Variants in LAMA2 observed in about 807,000 individuals in gnomAD.
The protein encoded by LAMA2 is laminin subunit alpha-2.
Under a neutral mutation model 364.8 loss-of-function variants are expected in LAMA2, and 269 were observed. That is an observed-to-expected ratio of 0.74 (90% confidence interval 0.67 to 0.82). LAMA2 has a LOEUF of 0.82. Ranked by LOEUF, LAMA2 falls within the 40% of genes least tolerant of loss-of-function variation. The pLI is 0.00. For missense variants in LAMA2, 3,807 were observed against 3,873.2 expected (o/e 0.98, Z 0.45); for synonymous variants, 1,379 against 1,370.6 (o/e 1.01, Z -0.14).
chr6:129,050,044 A>T lies in LAMA2; in HGVS notation c.239A>T (p.Asn80Ile), dbSNP rs1787884705. 2 of 1,614,134 alleles carry T rather than the reference A, an allele frequency of 1.2e-6. No homozygotes were observed. The highest frequency in any genetic ancestry group is 1.7e-6 in the Non-Finnish European group (2 of 1,180,006). Residue 80 changes from asparagine (N) to isoleucine (I), a missense_variant, in exon 2 of 65, where the codon AAC becomes ATC. Physicochemically the swap from Asn to Ile is moderately radical, Grantham distance 149 (BLOSUM62 -3). Coordinates refer to ENST00000421865, the MANE Select transcript of LAMA2 (RefSeq NM_000426.4). Reference protein sequence around the residue: ...VEHVPGQPVRNPQCRICNQNS... With the variant: ...VEHVPGQPVRIPQCRICNQNS... ...CATGTCCCTGGGCAGCCTGTGAGGAACCCGCAGTGTCGAATCTGCAATCAA... is the reference window on the plus strand; with the variant it reads ...CATGTCCCTGGGCAGCCTGTGAGGATCCCGCAGTGTCGAATCTGCAATCAA...
chr6:128,976,284 G>A (rs1205474260), intron 1 of LAMA2, among the ~76,000 whole-genome samples: 3 of 152,188 alleles, frequency 2.0e-5, no homozygotes, highest in African/African-American at 7.2e-5. Context: ...GAGGAAACAA[G>A]AATCCCCACT....
intron 50 of LAMA2, 117 bp from the exon 51 acceptor site, chr6:129,465,026 CAG>C: frequency 1.2e-6 from 1 of 817,638 alleles, no homozygotes; most frequent in Admixed American, 1.9e-5. Context: ...ATTTCTGCAA[CAG>C]AGTGACATAT....
At chr6:129,154,033 G>A (rs1778962406) in intron 7 of LAMA2, among the ~76,000 whole-genome samples, 1 of 152,312 alleles carries the variant, frequency 6.6e-6, no homozygotes, top group East Asian at 1.9e-4. Flanking sequence ...CTATTAAAAT[G>A]TGTGAATTTA....
In LAMA2 at chr6:129,242,460, G is replaced by A. The variant is rs1247206647; in HGVS notation, c.1783-7652G>A. On this transcript the variant is annotated intron_variant, in intron 12 of 64. Transcript: ENST00000421865. ...TTTTTCTGTTATTTTAATCAGCATT[G>A]ATGTTGTATATTATGAGCGTGTGGC... Among the ~76,000 whole-genome samples, 4 of 152,066 alleles carry A rather than the reference G, an allele frequency of 2.6e-5. No homozygotes were observed. In the East Asian group the frequency reaches 7.7e-4, roughly 29 times the overall value.
At chr6:129,444,492 G>A (rs1782270916) in intron 44 of LAMA2, among the ~76,000 whole-genome samples, 1 of 152,122 alleles carries the variant, frequency 6.6e-6, no homozygotes, top group Non-Finnish European at 1.5e-5. Flanking sequence ...TTTCTATCCA[G>A]ATAACATGCA....
At chr6:129,190,771 C>A (rs1019705103) in intron 11 of LAMA2, among the ~76,000 whole-genome samples, 2 of 152,266 alleles carry the variant, frequency 1.3e-5, no homozygotes, top group South Asian at 4.1e-4. Flanking sequence ...GCTTTAGTTA[C>A]TATTTGATGT....
intron 27 of LAMA2, among the ~76,000 whole-genome samples, chr6:129,319,011 A>G (rs943692765): frequency 2.0e-5 from 3 of 152,222 alleles, no homozygotes; most frequent in Admixed American, 2.0e-4. Flanking sequence ...GTTATTTTCA[A>G]TTATGATTTT....
rs374005830 is a variant in LAMA2 at position 129,511,738 on chromosome 6, A to AAAG, written c.8858-623_8858-621dup. Among the ~76,000 whole-genome samples the AAAG allele has an allele frequency of 8.5e-4, 126 of 148,248 alleles. 2 individuals are homozygous for AAAG. The highest frequency in any genetic ancestry group is 3.4e-3 in the Middle Eastern group (1 of 290). Reference sequence around the variant, plus strand: ...TTGCTCAAAGATTAAAAAAAAAATCAAAGAGTCAAATATGGAAAATCATAG... The same window carrying AAAG: ...TTGCTCAAAGATTAAAAAAAAAATCAAAGAAGAGTCAAATATGGAAAATCATAG... On this transcript the variant is annotated intron_variant, in intron 62 of 64. Coordinates refer to ENST00000421865, the MANE Select transcript of LAMA2 (RefSeq NM_000426.4).
chr6:129,433,124 A>G (rs944458826), intron 41 of LAMA2, among the ~76,000 whole-genome samples: 21 of 152,220 alleles, frequency 1.4e-4, no homozygotes, highest in Admixed American at 9.8e-4. Context: ...TACTAGGGAA[A>G]GGGAAGCACA....
intron 12 of LAMA2, among the ~76,000 whole-genome samples, chr6:129,201,657 A>G (rs982989718): frequency 5.3e-5 from 8 of 152,286 alleles, no homozygotes; most frequent in African/African-American, 1.9e-4. Flanking sequence ...ATGCCAGAAC[A>G]AAGTCCAATA....
intron 48 of LAMA2, among the ~76,000 whole-genome samples, chr6:129,459,293 A>G (rs191577544): frequency 6.6e-6 from 1 of 152,240 alleles, no homozygotes; most frequent in East Asian, 1.9e-4. Context: ...TGGAAGCACC[A>G]TCATATATGT....
In LAMA2 at chr6:128,941,842, T is replaced by G. The variant is rs543548201; in HGVS notation, c.112+58485T>G. 2.0e-5 allele frequency among the ~76,000 whole-genome samples: 3 copies of G among 152,296 alleles called. No individual in the cohort carries two copies. In the South Asian group the frequency reaches 6.2e-4, roughly 32 times the overall value. On this transcript the variant is annotated intron_variant, in intron 1 of 64. Transcript: ENST00000421865. The stretch of plus-strand genomic sequence containing the variant: ...GTGGTTTTTCAAATGCACCGTGCAG[T>G]TAGACGTCATCACTGAGACCTCAAT...
At chr6:129,310,910 TGCATGTC>T (rs1562444477) in intron 22 of LAMA2, among the ~76,000 whole-genome samples, 1 of 151,938 alleles carries the variant, frequency 6.6e-6, no homozygotes, top group Non-Finnish European at 1.5e-5. Context: ...TGTAGGCAAA[TGCATGTC>T]TGTAGAAGCT....
At chr6:129,056,914 A>G (rs7768908) in intron 2 of LAMA2, among the ~76,000 whole-genome samples, 43,817 of 143,528 alleles carry the variant, frequency 0.31, 7,005 homozygotes, top group African/African-American at 0.44. Context: ...TTTTTTTTTC[A>G]TAGAGATGGG....
intron 36 of LAMA2, among the ~76,000 whole-genome samples, chr6:129,391,870 A>G (rs1324779161): frequency 6.6e-6 from 1 of 152,120 alleles, no homozygotes; most frequent in Non-Finnish European, 1.5e-5. Flanking sequence ...ATTGTACTTT[A>G]CCATTGTTCC....
rs573934077 is a variant in LAMA2, at chr6:129,456,634, C to T, written c.6867+140C>T. On this transcript the variant is annotated intron_variant, in intron 48 of 64. Transcript: ENST00000421865. ...TTGCATTTATGAAAACATGAATTTACTTTGAGTAAGAATTTTCTTCTTTGA... is the reference window on the plus strand; with the variant it reads ...TTGCATTTATGAAAACATGAATTTATTTTGAGTAAGAATTTTCTTCTTTGA... 1.9e-5 allele frequency: 16 copies of T among 846,852 alleles called. No individual in the cohort carries two copies. The East Asian group carries it at 3.7e-4, about 19-fold the overall frequency. The allele number at this position is 846,852 out of a possible 1,614,324, so 52.5% of individuals were successfully genotyped here. A position where few individuals can be genotyped will look rare whatever the true frequency, so the allele number is the denominator to read the frequency against.
chr6:129,379,992 T>G (rs1778590909), intron 34 of LAMA2, among the ~76,000 whole-genome samples: 1 of 152,166 alleles, frequency 6.6e-6, no homozygotes, highest in Non-Finnish European at 1.5e-5. Context: ...TGCTTGGCAC[T>G]CTGAGGAATA....
intron 1 of LAMA2, among the ~76,000 whole-genome samples, chr6:129,029,042 T>C (rs1786035765): frequency 6.6e-6 from 1 of 151,906 alleles, no homozygotes; most frequent in South Asian, 2.1e-4. Flanking sequence ...ATGGAGTGTA[T>C]TGTTAAATTA....
chr6:128,970,202 C>T (rs1382845631), intron 1 of LAMA2, among the ~76,000 whole-genome samples: 1 of 151,998 alleles, frequency 6.6e-6, no homozygotes, highest in Non-Finnish European at 1.5e-5. Context: ...ATATTTTAGC[C>T]ACAGGTATTT....
Sources: allele counts gnomAD v4.1 joint callset (sites outside exome capture counted in the v4.1 genomes callset), GRCh38; gene constraint gnomAD v4.1.1; transcripts MANE v1.5; gene names NCBI Gene and HGNC (gene_info 2026-07-23, HGNC 2026-07-21).